VPS8: variants seen among roughly 807,000 people sequenced by gnomAD.
VPS8 encodes the protein vacuolar protein sorting-associated protein 8 homolog.
VPS8 carries 129 observed loss-of-function variants against 216.4 expected under a neutral mutation model. That is an observed-to-expected ratio of 0.60 (90% CI 0.52 to 0.69). VPS8 has a LOEUF of 0.69. Among genes scored for constraint, VPS8 ranks in the 30% least tolerant of loss-of-function variants. The pLI is 0.00. For synonymous variants in VPS8, 571 were observed against 565.4 expected, an observed-to-expected ratio of 1.01 and a Z score of -0.14; for missense variants, 1,531 against 1,683.5, an observed-to-expected ratio of 0.91 and a Z score of 1.59.
chr3:184,820,866 TA>T (rs1717430463), intron 1 of VPS8, among the ~76,000 whole-genome samples: 1 of 152,202 alleles, frequency 6.6e-6, no homozygotes, highest in South Asian at 2.1e-4. Context: ...ACTTCTGTTA[TA>T]ATTAAAGTTT....
chr3:184,866,288 A>T (rs1727348507), intron 16 of VPS8, among the ~76,000 whole-genome samples: 1 of 152,240 alleles, frequency 6.6e-6, no homozygotes, highest in Non-Finnish European at 1.5e-5. Flanking sequence ...AAAAGAAGAC[A>T]TGCAATAAGA....
chr3:184,815,025 AAC>A (rs1716004359), intron 1 of VPS8, among the ~76,000 whole-genome samples: 1 of 152,144 alleles, frequency 6.6e-6, no homozygotes, highest in Admixed American at 6.5e-5. Context: ...CGAAGACGCA[AAC>A]ACACACATTA....
At chr3:184,861,664 T>TA (rs1453336063) in intron 15 of VPS8, among the ~76,000 whole-genome samples, 1 of 152,244 alleles carries the variant, frequency 6.6e-6, no homozygotes, top group Non-Finnish European at 1.5e-5. Context: ...ATGTGACCAT[T>TA]AACTGCATTG....
intron 40 of VPS8, among the ~76,000 whole-genome samples, chr3:184,974,950 G>T (rs1043360051): frequency 2.0e-5 from 3 of 152,052 alleles, no homozygotes; most frequent in Non-Finnish European, 4.4e-5. Context: ...TGCTGTTTTG[G>T]TTATTACAGC....
chr3:185,050,758 G>A (rs555845533), intron 47 of VPS8, among the ~76,000 whole-genome samples: 1 of 152,306 alleles, frequency 6.6e-6, no homozygotes, highest in South Asian at 2.1e-4. Context: ...GGTAGACACA[G>A]ACAGGGCTGC....
chr3:184,861,876 C>T (rs1726443671), intron 15 of VPS8, among the ~76,000 whole-genome samples: 1 of 152,052 alleles, frequency 6.6e-6, no homozygotes, highest in Non-Finnish European at 1.5e-5. Context: ...TGATTTTTCC[C>T]AGAAAATACT....
At chr3:184,965,774 A>G (rs1039828374) in intron 38 of VPS8, among the ~76,000 whole-genome samples, 2 of 152,174 alleles carry the variant, frequency 1.3e-5, no homozygotes, top group African/African-American at 2.4e-5. Flanking sequence ...AAAGCAGACA[A>G]TACTTGGGAG....
intron 26 of VPS8, 66 bp downstream of exon 26, chr3:184,913,627 A>T: frequency 3.8e-6 from 5 of 1,328,642 alleles, no homozygotes; most frequent in Non-Finnish European, 5.2e-6. Context: ...ATTTTTAGAG[A>T]TACTATGATC....
intron 21 of VPS8, among the ~76,000 whole-genome samples, chr3:184,880,565 C>A (rs533957442): frequency 6.6e-6 from 1 of 152,060 alleles, no homozygotes; most frequent in South Asian, 2.1e-4. Context: ...ACAATTTTAC[C>A]GGTTGAAGAA....
chr3:184,929,464 A>G (rs1407546205), intron 32 of VPS8, 116 bp from the exon 33 acceptor site: 1 of 643,102 alleles, frequency 1.6e-6, no homozygotes, highest in Non-Finnish European at 2.7e-6. Context: ...TGCTTGGATT[A>G]TAAGCATGAG....
At chr3:184,878,585 G>A (rs997602550) in intron 21 of VPS8, among the ~76,000 whole-genome samples, 3 of 152,184 alleles carry the variant, frequency 2.0e-5, no homozygotes, top group Admixed American at 6.5e-5. Flanking sequence ...CAAACACAGA[G>A]CGAGGCAGTA....
At chr3:184,964,175 A>G (rs1746999456) in intron 37 of VPS8, among the ~76,000 whole-genome samples, 1 of 151,988 alleles carries the variant, frequency 6.6e-6, no homozygotes, top group Non-Finnish European at 1.5e-5. Context: ...TTGTATTGTT[A>G]GTATGTATGT....
intron 22 of VPS8, among the ~76,000 whole-genome samples, chr3:184,889,234 T>G (rs1731877181): frequency 6.6e-6 from 1 of 152,190 alleles, no homozygotes; most frequent in Non-Finnish European, 1.5e-5. Context: ...TTTGTCAACT[T>G]CTTTCCTATA....
At chr3:184,916,735 G>A (rs934503753) in intron 28 of VPS8, among the ~76,000 whole-genome samples, 2 of 151,852 alleles carry the variant, frequency 1.3e-5, no homozygotes, top group Admixed American at 1.3e-4. Flanking sequence ...CTGGCACATA[G>A]GAAAAAAAGA....
chr3:184,882,832 A>G (rs576672905), intron 21 of VPS8, among the ~76,000 whole-genome samples: 174 of 152,104 alleles, frequency 1.1e-3, no homozygotes, highest in African/African-American at 4.1e-3. Context: ...TAAATTGTCA[A>G]ATTTATGTGT....
chr3:184,969,428 C>CTTTT (rs869093296), intron 39 of VPS8, among the ~76,000 whole-genome samples: 1 of 32,732 alleles, frequency 3.1e-5, no homozygotes, highest in Non-Finnish European at 5.1e-5. Context: ...ACCCCCCCCC[C>CTTTT]TTTTTTTTTT....
chr3:184,979,900 C>T (rs1749909566), intron 40 of VPS8, among the ~76,000 whole-genome samples: 1 of 152,132 alleles, frequency 6.6e-6, no homozygotes, highest in Admixed American at 6.5e-5. Flanking sequence ...CGTCAGTGGT[C>T]TATGTACTTA....
At chr3:184,956,264 TGGCTATTGATGTA>T (rs1335743936) in intron 36 of VPS8, among the ~76,000 whole-genome samples, 4 of 152,202 alleles carry the variant, frequency 2.6e-5, no homozygotes, top group African/African-American at 9.6e-5. Context: ...TCCCACCCTG[TGGCTATTGATGTA>T]CTGTACATGG....
intron 8 of VPS8, among the ~76,000 whole-genome samples, chr3:184,847,327 A>C (rs1723326270): frequency 6.6e-6 from 1 of 152,226 alleles, no homozygotes; most frequent in African/African-American, 2.4e-5. Context: ...GACTGACCTA[A>C]TATTATTCCC....
Sources: gnomAD v4.1 joint callset for allele counts (sites outside exome capture counted in the v4.1 genomes callset) on GRCh38, gnomAD v4.1.1 for gene constraint, MANE v1.5 for transcripts, NCBI Gene and HGNC (gene_info 2026-07-23, HGNC 2026-07-21) for gene names.